Variants in YES1 observed in about 807,000 individuals in gnomAD.
YES1 encodes the protein YES proto-oncogene 1, Src family tyrosine kinase.
In YES1, 39 loss-of-function variants were observed where a neutral mutation model predicts 70.4. That is an observed-to-expected ratio of 0.55 (90% CI 0.43 to 0.72). YES1 has a LOEUF of 0.72. Ranked by LOEUF, YES1 falls within the 30% of genes least tolerant of loss-of-function variation. YES1 has a pLI of 0.00. For synonymous variants in YES1, 198 were observed against 218.6 expected (o/e 0.91, Z 0.83); for missense variants, 495 against 644.8 (o/e 0.77, Z 2.52).
At chr18:809,886 C>A (rs2145848614) in intron 1 of YES1, among the ~76,000 whole-genome samples, 1 of 152,244 alleles carries the variant, frequency 6.6e-6, no homozygotes, top group African/African-American at 2.4e-5. Context: ...GTTAAAAGAA[C>A]TTTGTCACCA....
At chr18:734,204 G>T (rs1184236412) in intron 10 of YES1, among the ~76,000 whole-genome samples, 2 of 151,502 alleles carry the variant, frequency 1.3e-5, no homozygotes, top group African/African-American at 2.4e-5. Flanking sequence ...GCTTGAACCT[G>T]GGGGGCAGAG....
intron 1 of YES1, among the ~76,000 whole-genome samples, chr18:785,778 GAAAA>G (rs35217977): frequency 7.4e-6 from 1 of 135,628 alleles, no homozygotes. Context: ...TCTACAAAAG[GAAAA>G]AAAAAAAAAA....
At chr18:783,884 G>T (rs1248336253) in intron 1 of YES1, among the ~76,000 whole-genome samples, 1 of 152,114 alleles carries the variant, frequency 6.6e-6, no homozygotes, top group Non-Finnish European at 1.5e-5. Context: ...AAAGTGCTGG[G>T]ATTACAGGTG....
intron 8 of YES1, among the ~76,000 whole-genome samples, chr18:740,217 A>T (rs2145699289): frequency 6.6e-6 from 1 of 152,318 alleles, no homozygotes; most frequent in East Asian, 1.9e-4. Flanking sequence ...TCGCTGTGGA[A>T]CTACTGCTGT....
intron 1 of YES1, among the ~76,000 whole-genome samples, chr18:791,898 T>G (rs892422494): frequency 1.2e-4 from 18 of 151,996 alleles, no homozygotes; most frequent in African/African-American, 4.3e-4. Flanking sequence ...CTACTAAAAA[T>G]ACAAAAATCA....
chr18:779,051 CGTA>C (rs1320155089), intron 1 of YES1, among the ~76,000 whole-genome samples: 2 of 152,000 alleles, frequency 1.3e-5, no homozygotes, highest in African/African-American at 4.8e-5. Context: ...CCTGGAACCT[CGTA>C]GTTTCTTTAA....
chr18:771,274 T>G (rs1487605592), intron 1 of YES1, among the ~76,000 whole-genome samples: 3 of 151,950 alleles, frequency 2.0e-5, no homozygotes, highest in African/African-American at 4.8e-5. Flanking sequence ...AGCTGAGGCA[T>G]GAGACTCATT....
chr18:794,201 G>A (rs186926731), intron 1 of YES1, among the ~76,000 whole-genome samples: 210 of 152,308 alleles, frequency 1.4e-3, no homozygotes, highest in African/African-American at 4.8e-3. Context: ...CTAACACAGC[G>A]TGCCTCCTGA....
chr18:784,249 T>G (rs1420806676), intron 1 of YES1, among the ~76,000 whole-genome samples: 1 of 152,234 alleles, frequency 6.6e-6, no homozygotes, highest in Admixed American at 6.5e-5. Flanking sequence ...ATATAAATAA[T>G]AAAGATGTAT....
Position 722,047 on chromosome 18 carries a change from T to C in YES1, c.*2377A>G, listed in dbSNP as rs1438632788. Reference sequence around the variant, plus strand: ...TATCCCTACTATACAATTGTTATTATATAAGGAACTGCTCCATTCAGTTAA... The same window carrying C: ...TATCCCTACTATACAATTGTTATTACATAAGGAACTGCTCCATTCAGTTAA... On this transcript the variant is annotated 3_prime_UTR_variant, in exon 12 of 12. Coordinates refer to ENST00000314574, the MANE Select transcript of YES1 (RefSeq NM_005433.4). 1 of 152,650 alleles carries C rather than the reference T, an allele frequency of 6.6e-6. No homozygotes were observed. Among genetic ancestry groups the C allele is most frequent in the Non-Finnish European group, 1.5e-5 (1 of 68,046 alleles). The allele number at this position is 152,650 out of a possible 1,614,324, so 9.5% of individuals were successfully genotyped here.
chr18:756,490 C>G, intron 2 of YES1, 67 bp downstream of exon 2: 1 of 1,570,198 alleles, frequency 6.4e-7, no homozygotes, highest in Non-Finnish European at 8.7e-7. Flanking sequence ...GGCAGACAAG[C>G]CTTAAGTATA....
rs1598879921 is a variant in YES1 at position 723,743 on chromosome 18, G to T, written c.*681C>A. On this transcript the variant is annotated 3_prime_UTR_variant, in exon 12 of 12. Transcript: ENST00000314574. Reference sequence around the variant, plus strand: ...AAGTCAAACTCTTCAGAAAAGGACTGAAGTGAAAAAGTTCTTATTCTTTCA... The same window carrying T: ...AAGTCAAACTCTTCAGAAAAGGACTTAAGTGAAAAAGTTCTTATTCTTTCA... 1 of 152,698 alleles carries T rather than the reference G, an allele frequency of 6.5e-6. No homozygotes were observed. The highest frequency in any genetic ancestry group is 1.9e-4 in the East Asian group (1 of 5,186). 9.5% of individuals were successfully genotyped at this position (152,698 alleles called of 1,614,324 possible). A position where few individuals can be genotyped will look rare whatever the true frequency, so the allele number is the denominator to read the frequency against.
At position 756,716 on chromosome 18, in the gene YES1, T is replaced by C. The variant is rs61734346; in HGVS notation, c.112A>G (p.Thr38Ala). 2.8e-4 allele frequency: 449 copies of C among 1,614,182 alleles called. 1 individual carries two copies. In the African/African-American group the frequency reaches 5.4e-3, roughly 19 times the overall value. The change falls in exon 2 of 12, where the codon ACA becomes GCA. Residue 38 changes from threonine (T) to alanine (A), a missense_variant. Thr to Ala is a moderately conservative substitution (Grantham distance 58, BLOSUM62 0). Coordinates refer to ENST00000314574, the MANE Select transcript of YES1 (RefSeq NM_005433.4). ...GAAGATGACGGACATGGTGACACTGTAGTGGGTTCTGCTCCATAATGGCTC... is the reference window on the plus strand; with the variant it reads ...GAAGATGACGGACATGGTGACACTGCAGTGGGTTCTGCTCCATAATGGCTC... ...SVSHYGAEPTTVSPCPSSSAK... is the reference protein window; with the variant it reads ...SVSHYGAEPTAVSPCPSSSAK...
chr18:789,173 T>G (rs1264162279), intron 1 of YES1, among the ~76,000 whole-genome samples: 1 of 152,160 alleles, frequency 6.6e-6, no homozygotes. Flanking sequence ...CTATAAAACC[T>G]AAGGAAATGG....
chr18:727,948 G>C (rs2080041477), intron 11 of YES1, among the ~76,000 whole-genome samples: 1 of 152,142 alleles, frequency 6.6e-6, no homozygotes, highest in Non-Finnish European at 1.5e-5. Context: ...TTTGGGACCA[G>C]AAGTGTTTCC....
chr18:794,813 T>TTTTTG (rs150532263), intron 1 of YES1, among the ~76,000 whole-genome samples: 2,347 of 152,170 alleles, frequency 0.015, 61 homozygotes, highest in African/African-American at 0.053. Context: ...GGGTTTTTGG[T>TTTTTG]TTTTGTTTTG....
intron 1 of YES1, among the ~76,000 whole-genome samples, chr18:766,203 C>A (rs1310835111): frequency 6.6e-6 from 1 of 152,106 alleles, no homozygotes; most frequent in Non-Finnish European, 1.5e-5. Context: ...TTTATTTAAG[C>A]CACTTACACG....
intron 1 of YES1, among the ~76,000 whole-genome samples, chr18:783,746 G>A (rs1905798445): frequency 6.6e-6 from 1 of 151,798 alleles, no homozygotes; most frequent in Non-Finnish European, 1.5e-5. Context: ...CACCCAAGTA[G>A]CTGGGATTAC....
rs56410052 is a variant in YES1 at position 786,496 on chromosome 18, TACACAC to T, written c.-9+25612_-9+25617del. 3.5e-3 allele frequency among the ~76,000 whole-genome samples: 487 copies of T among 139,526 alleles called. 3 individuals carry two copies. The highest frequency in any genetic ancestry group is 4.7e-3 in the Non-Finnish European group (304 of 64,712). The allele number at this position is 139,526 out of a possible 152,430, so 91.5% of individuals were successfully genotyped here. Reference sequence around the variant, plus strand: ...ATAAACATCATCATTAATAAGTCCATACACACACACACACACACACACACACACACA... The same window carrying T: ...ATAAACATCATCATTAATAAGTCCATACACACACACACACACACACACACA... On this transcript the variant is annotated intron_variant, in intron 1 of 11. Coordinates refer to ENST00000314574, the MANE Select transcript of YES1 (RefSeq NM_005433.4).
Sources: allele counts gnomAD v4.1 joint callset (sites outside exome capture counted in the v4.1 genomes callset), GRCh38; gene constraint gnomAD v4.1.1; transcripts MANE v1.5; gene names NCBI Gene and HGNC (gene_info 2026-07-23, HGNC 2026-07-21).